Variants in GMEB2 observed in about 807,000 individuals in gnomAD.
GMEB2 encodes the protein glucocorticoid modulatory element binding protein 2.
GMEB2 carries 7 observed loss-of-function variants against 45.7 expected under a neutral mutation model. That is an observed-to-expected ratio of 0.15 (90% CI 0.09 to 0.29). The LOEUF (loss-of-function observed/expected upper bound fraction) is 0.29. GMEB2 is among the 10% of genes least tolerant of loss of function. The probability of loss-of-function intolerance (pLI) is 1.00; values close to 1 mark genes in which losing one functional copy is unlikely to be tolerated. For synonymous variants in GMEB2, 322 were observed against 323.6 expected (o/e 1.00, Z 0.05); for missense variants, 582 against 739.2 (o/e 0.79, Z 2.47).
In GMEB2 at chr20:63,611,369, T is replaced by C. The variant is rs189535721; in HGVS notation, c.132-6529A>G. ...GGCTCATGCCTATAATCCCAGCACT[T>C]TGGGAGGCCAAGGTGGTGGATCACT... On this transcript the variant is annotated intron_variant, in intron 2 of 9. Coordinates refer to ENST00000370077, the MANE Select transcript of GMEB2 (RefSeq NM_012384.5). Among the ~76,000 whole-genome samples the C allele has an allele frequency of 2.6e-5, 4 of 151,924 alleles. No homozygotes were observed. In the East Asian group the frequency reaches 7.8e-4, roughly 30 times the overall value.
At chr20:63,612,152 GA>G (rs1274197675) in intron 2 of GMEB2, among the ~76,000 whole-genome samples, 2 of 152,086 alleles carry the variant, frequency 1.3e-5, no homozygotes, top group African/African-American at 4.8e-5. Context: ...TCTAAGAAAG[GA>G]AAAAATATAA....
In GMEB2 at chr20:63,589,127, G is replaced by C. The variant is rs932238273; in HGVS notation, c.*962C>G. The C allele has an allele frequency of 5.0e-6, 2 of 398,786 alleles. No homozygotes were observed. The highest frequency in any genetic ancestry group is 8.8e-6 in the Non-Finnish European group (2 of 226,148). 24.7% of individuals were successfully genotyped at this position (398,786 alleles called of 1,614,324 possible). A position where few individuals can be genotyped will look rare whatever the true frequency, so the allele number is the denominator to read the frequency against. On this transcript the variant is annotated 3_prime_UTR_variant, in exon 10 of 10. Transcript: ENST00000370077. ...CTGAAGGGCCCACATGGGAATCCTC[G>C]ACCTCCATAGTGACTGGTTCTGTTT...
intron 3 of GMEB2, among the ~76,000 whole-genome samples, chr20:63,604,083 T>A (rs1225345688): frequency 8.2e-6 from 1 of 121,510 alleles, no homozygotes; most frequent in Non-Finnish European, 1.7e-5. Context: ...GAATTTTTAC[T>A]GGCCAGGCTC....
rs765458947 is a variant in GMEB2 at position 63,591,989 on chromosome 20, CCAGGGGACGGGA to C, written c.952+21_952+32del. ...GGGCTCCAGGTCCTCAGCCTACCGC[CCAGGGGACGGGA>C]CGGGGGTGGTCTCAGCATACCTGCC... On this transcript the variant is annotated intron_variant, in intron 9 of 9. Coordinates refer to ENST00000370077, the MANE Select transcript of GMEB2 (RefSeq NM_012384.5). 109 of 1,585,456 alleles carry C rather than the reference CCAGGGGACGGGA, an allele frequency of 6.9e-5. No homozygotes were observed. In the African/African-American group the frequency reaches 1.2e-3, roughly 17 times the overall value.
At chr20:63,595,903 G>A (rs1193990869) in intron 5 of GMEB2, 136 bp from the exon 6 acceptor site, 18 of 715,350 alleles carry the variant, frequency 2.5e-5, no homozygotes, top group Non-Finnish European at 3.8e-5. Context: ...AGGGCAGGGT[G>A]GGCTCTACTT....
Position 63,626,986 on chromosome 20 carries a change from C to CGGCGGG in GMEB2, c.-94_-89dup, listed in dbSNP as rs2089679848. ...GCCGCGCCGGGCCTGCTTAGGCACC[C>CGGCGGG]GGCGGGGGCGGCGGCGTCGGGAGCT... On this transcript the variant is annotated 5_prime_UTR_variant, in exon 1 of 10. Coordinates refer to ENST00000370077, the MANE Select transcript of GMEB2 (RefSeq NM_012384.5). The CGGCGGG allele has an allele frequency of 1.4e-5, 2 of 146,186 alleles. No individual in the cohort carries two copies. The highest frequency in any genetic ancestry group is 3.0e-5 in the Non-Finnish European group (2 of 66,708). 9.1% of individuals were successfully genotyped at this position (146,186 alleles called of 1,614,324 possible).
intron 2 of GMEB2, among the ~76,000 whole-genome samples, chr20:63,613,569 G>A (rs2089586269): frequency 6.6e-6 from 1 of 150,918 alleles, no homozygotes. Flanking sequence ...ACCCAGGCTG[G>A]AGTGCAGTGG....
intron 2 of GMEB2, among the ~76,000 whole-genome samples, chr20:63,616,942 T>G (rs962185740): frequency 6.6e-6 from 1 of 151,996 alleles, no homozygotes; most frequent in East Asian, 1.9e-4. Context: ...GTCATATAAG[T>G]TGGCCCTCAT....
intron 1 of GMEB2, among the ~76,000 whole-genome samples, chr20:63,625,323 C>T (rs1327685002): frequency 6.6e-6 from 1 of 151,160 alleles, no homozygotes; most frequent in Non-Finnish European, 1.5e-5. Flanking sequence ...CTACAGGCAC[C>T]CAACACGCCT....
At chr20:63,599,630 C>G (rs2083227019) in intron 4 of GMEB2, among the ~76,000 whole-genome samples, 1 of 152,228 alleles carries the variant, frequency 6.6e-6, no homozygotes, top group Admixed American at 6.5e-5. Context: ...CGTCTCTCCT[C>G]CTGGCTAGAC....
intron 1 of GMEB2, among the ~76,000 whole-genome samples, chr20:63,621,269 T>C (rs1397066605): frequency 6.6e-6 from 1 of 152,112 alleles, no homozygotes; most frequent in Non-Finnish European, 1.5e-5. Context: ...AGTTGTTCTT[T>C]AATGAGTACA....
intron 5 of GMEB2, 120 bp downstream of exon 5, chr20:63,597,637 G>A: frequency 4.6e-6 from 3 of 653,812 alleles, no homozygotes; most frequent in Non-Finnish European, 2.8e-6. Flanking sequence ...CACCCGGGAG[G>A]TTGTCAGCAC....
intron 1 of GMEB2, among the ~76,000 whole-genome samples, chr20:63,621,777 A>C (rs946331264): frequency 6.6e-6 from 1 of 151,690 alleles, no homozygotes; most frequent in Admixed American, 6.6e-5. Context: ...AGAATGACTC[A>C]TTAGGATTAG....
chr20:63,610,500 G>A (rs1028452043), intron 2 of GMEB2, among the ~76,000 whole-genome samples: 3 of 152,096 alleles, frequency 2.0e-5, no homozygotes, highest in Admixed American at 6.6e-5. Flanking sequence ...CAGTCTGGGC[G>A]ACAGAGTGAG....
At chr20:63,616,542 G>C (rs376614423) in intron 2 of GMEB2, among the ~76,000 whole-genome samples, 1 of 152,376 alleles carries the variant, frequency 6.6e-6, no homozygotes, top group South Asian at 2.1e-4. Flanking sequence ...ACCCAGAAGC[G>C]AGGAGCAGGA....
In GMEB2 at chr20:63,595,597, C is replaced by G; in HGVS notation, c.619+13G>C. 1 of 1,595,742 alleles carries G rather than the reference C, an allele frequency of 6.3e-7. No homozygotes were observed. Among genetic ancestry groups the G allele is most frequent in the Non-Finnish European group, 8.5e-7 (1 of 1,172,174 alleles). On this transcript the variant is annotated intron_variant, in intron 6 of 9. Transcript: ENST00000370077. ...GTGGGGCTGGGTCAGGACGAGCAGCCCTGTGCACCTACCGTCGGCTGCGGC... is the reference window on the plus strand; with the variant it reads ...GTGGGGCTGGGTCAGGACGAGCAGCGCTGTGCACCTACCGTCGGCTGCGGC...
chr20:63,614,251 T>C (rs1459149215), intron 2 of GMEB2, among the ~76,000 whole-genome samples: 1 of 152,174 alleles, frequency 6.6e-6, no homozygotes, highest in Non-Finnish European at 1.5e-5. Context: ...TAATAATCCT[T>C]GCCTAAGCAT....
Position 63,597,780 on chromosome 20 carries a change from G to T in GMEB2, c.438C>A (p.Ile146=). 1 of 1,605,374 alleles carries T rather than the reference G, an allele frequency of 6.2e-7. No homozygotes were observed. Among genetic ancestry groups the T allele is most frequent in the Non-Finnish European group, 8.5e-7 (1 of 1,172,086 alleles). Residue 146 remains isoleucine (I), a synonymous_variant, in exon 5 of 10, where the codon ATC becomes ATA. Transcript: ENST00000370077. The part of the protein sequence containing the change: ...KSTLKDWKRA[I]RMNGIMLRKI... ...ACCTGAGCATGATGCCGTTCATGCGGATGGCTCTCTTCCAGTCCTTCAGGG... is the reference window on the plus strand; with the variant it reads ...ACCTGAGCATGATGCCGTTCATGCGTATGGCTCTCTTCCAGTCCTTCAGGG...
In GMEB2 at chr20:63,592,174, A is replaced by C; in HGVS notation, c.830-30T>G. ...AAGGGTAACGCGGACACTCAGTGAG[A>C]GCCCAAGCCCTTCCTAGAGAGCCAC... On this transcript the variant is annotated intron_variant, in intron 8 of 9. Transcript: ENST00000370077. The surrounding 1 kb of genome is among the most constrained non-coding windows in gnomAD (Gnocchi z 8.2). The C allele has an allele frequency of 2.5e-6, 4 of 1,600,940 alleles. No homozygotes were observed. Among genetic ancestry groups the C allele is most frequent in the Non-Finnish European group, 3.4e-6 (4 of 1,172,698 alleles).
Sources: gnomAD v4.1 joint callset for allele counts (sites outside exome capture counted in the v4.1 genomes callset) on GRCh38, gnomAD v4.1.1 for gene constraint, Gnocchi (gnomAD v3.1) non-coding constraint, MANE v1.5 for transcripts, NCBI Gene and HGNC (gene_info 2026-07-23, HGNC 2026-07-21) for gene names.